Variants in TULP4 observed in about 807,000 individuals in gnomAD.
TULP4 encodes TUB like protein 4.
In TULP4, 16 loss-of-function variants were observed where a neutral mutation model predicts 129.0. That is an observed-to-expected ratio of 0.12 (90% confidence interval 0.08 to 0.19). The LOEUF (loss-of-function observed/expected upper bound fraction) is 0.19, where lower values mean the gene tolerates loss of function less well. Among genes scored for constraint, TULP4 ranks in the 10% least tolerant of loss-of-function variants. The pLI, the probability that TULP4 is intolerant of heterozygous loss-of-function variation, is 1.00. For missense variants in TULP4, 1,842 were observed against 2,059.1 expected, an observed-to-expected ratio of 0.89 and a Z score of 2.04; for synonymous variants, 998 against 854.0, an observed-to-expected ratio of 1.17 and a Z score of -2.94.
chr6:158,317,420 G>C (rs1054528162), intron 1 of TULP4, among the ~76,000 whole-genome samples: 16 of 148,596 alleles, frequency 1.1e-4, no homozygotes, highest in African/African-American at 3.7e-4. Flanking sequence ...TGCGGTGTTT[G>C]GTTTTCTGTC....
Position 158,298,008 on chromosome 6 carries a change from C to T in TULP4, n.117-14043C>T, listed in dbSNP as rs577792188. ...CTCCCCCTAGGAATGCAATTCTTTTCCTAGGGTCTTAATATGTAATATTCC... is the reference window on the plus strand; with the variant it reads ...CTCCCCCTAGGAATGCAATTCTTTTTCTAGGGTCTTAATATGTAATATTCC... On this transcript the variant is annotated intron_variant and non_coding_transcript_variant, in intron 1 of 1. Coordinates refer to the TULP4 transcript ENST00000432358. 2.1e-4 allele frequency among the ~76,000 whole-genome samples: 32 copies of T among 152,204 alleles called. No individual in the cohort carries two copies. The East Asian group carries it at 6.2e-3, about 29-fold the overall frequency.
At chr6:158,249,868 A>G (rs1201919800) in intron 1 of TULP4, among the ~76,000 whole-genome samples, 1 of 152,274 alleles carries the variant, frequency 6.6e-6, no homozygotes, top group Non-Finnish European at 1.5e-5. Flanking sequence ...TTTGTGATAC[A>G]GTATAAAAAG....
At chr6:158,349,961 C>G (rs1780464243) in intron 1 of TULP4, among the ~76,000 whole-genome samples, 1 of 147,950 alleles carries the variant, frequency 6.8e-6, no homozygotes, top group Admixed American at 6.7e-5. Context: ...GGCAGAGGCA[C>G]TCCTCACCTC....
intron 1 of TULP4, among the ~76,000 whole-genome samples, chr6:158,403,400 C>T (rs971407253): frequency 2.6e-5 from 4 of 152,134 alleles, no homozygotes; most frequent in East Asian, 1.9e-4. Context: ...AGTGCAATGG[C>T]GTGATCTTGG....
chr6:158,277,180 A>G (rs567249330), intron 1 of TULP4, among the ~76,000 whole-genome samples: 58 of 152,260 alleles, frequency 3.8e-4, no homozygotes, highest in African/African-American at 1.3e-3. Flanking sequence ...GGCTCAAGCA[A>G]TCTTCATGCC....
intron 1 of TULP4, among the ~76,000 whole-genome samples, chr6:158,249,790 C>T (rs1283156182): frequency 6.6e-6 from 1 of 152,202 alleles, no homozygotes; most frequent in African/African-American, 2.4e-5. Context: ...TAACAAGCTG[C>T]TCAATTACAT....
rs61292138 is a variant in TULP4 at position 158,506,222 on chromosome 6, CTTTTTTTT to C, written c.4516-335_4516-328del. Among the ~76,000 whole-genome samples, 111 of 55,494 alleles carry C rather than the reference CTTTTTTTT, an allele frequency of 2.0e-3. 2 individuals carry two copies. Among genetic ancestry groups the C allele is most frequent in the African/African-American group, 6.5e-3 (93 of 14,358 alleles). 36.4% of individuals were successfully genotyped at this position (55,494 alleles called of 152,430 possible). ...CGGCTGTCGCCTTGCTCGCCTTGTT[CTTTTTTTT>C]TTTTTTTTTTTTTTTTTTTTGAGAT... is the stretch of plus-strand genomic sequence containing the variant. On this transcript the variant is annotated intron_variant, in intron 13 of 13. Coordinates refer to ENST00000367097, the MANE Select transcript of TULP4 (RefSeq NM_020245.5).
At chr6:158,378,438 T>C (rs942187908) in intron 1 of TULP4, among the ~76,000 whole-genome samples, 1 of 144,600 alleles carries the variant, frequency 6.9e-6, no homozygotes, top group Admixed American at 7.6e-5. Context: ...TATATAAAAA[T>C]TGAGCAGTTA....
At chr6:158,246,056 GTGTGTGTA>G (rs1157361233) in intron 1 of TULP4, among the ~76,000 whole-genome samples, 2 of 140,190 alleles carry the variant, frequency 1.4e-5, no homozygotes, top group African/African-American at 2.6e-5. Context: ...GTGTGTGTGT[GTGTGTGTA>G]TTGTTCTCAA....
chr6:158,490,444 C>T (rs538985224), intron 9 of TULP4, among the ~76,000 whole-genome samples: 2 of 152,290 alleles, frequency 1.3e-5, no homozygotes, highest in South Asian at 4.2e-4. Context: ...AATTGGGAAA[C>T]ATCAACACAT....
intron 1 of TULP4, chr6:158,282,511 A>G (rs1297678970): frequency 6.6e-6 from 1 of 151,558 alleles, no homozygotes; most frequent in Non-Finnish European, 1.5e-5. Flanking sequence ...TTAAGGGGAC[A>G]TTTGGATCAT....
At chr6:158,256,224 G>C (rs192176493) in intron 1 of TULP4, among the ~76,000 whole-genome samples, 94 of 152,050 alleles carry the variant, frequency 6.2e-4, no homozygotes, top group African/African-American at 1.3e-3. Flanking sequence ...GAGCATCTTT[G>C]CTTGGAATCT....
At chr6:158,411,805 T>G (rs929834197) in intron 1 of TULP4, among the ~76,000 whole-genome samples, 4 of 152,154 alleles carry the variant, frequency 2.6e-5, no homozygotes, top group African/African-American at 9.7e-5. Flanking sequence ...GTTTATGTGT[T>G]GGTCTGAAAG....
chr6:158,367,921 T>C lies in TULP4; in HGVS notation c.253-45144T>C, dbSNP rs1268765164. ...GGTGAAACCCTGTCTCTACAAATAA[T>C]ACAAAAAAAAAAAAAAATCAAATCT... On this transcript the variant is annotated intron_variant, in intron 1 of 13. Coordinates refer to ENST00000367097, the MANE Select transcript of TULP4 (RefSeq NM_020245.5). Among the ~76,000 whole-genome samples the C allele has an allele frequency of 7.9e-5, 4 of 50,370 alleles. No homozygotes were observed. The East Asian group carries it at 4.7e-3, about 59-fold the overall frequency. 33.0% of individuals were successfully genotyped at this position (50,370 alleles called of 152,430 possible). A position where few individuals can be genotyped will look rare whatever the true frequency, so the allele number is the denominator to read the frequency against.
intron 6 of TULP4, among the ~76,000 whole-genome samples, chr6:158,470,531 G>A (rs948897346): frequency 1.3e-5 from 2 of 152,190 alleles, no homozygotes; most frequent in Admixed American, 6.5e-5. Flanking sequence ...AATTGGTTGG[G>A]TGTGAGCTAA....
intron 1 of TULP4, among the ~76,000 whole-genome samples, chr6:158,303,111 C>G (rs1332987001): frequency 6.7e-6 from 1 of 150,148 alleles, no homozygotes; most frequent in Admixed American, 6.7e-5. Flanking sequence ...TCAGAAATTA[C>G]ATTAATCCAA....
At chr6:158,302,031 G>A (rs1186636347) in intron 1 of TULP4, among the ~76,000 whole-genome samples, 3 of 152,126 alleles carry the variant, frequency 2.0e-5, no homozygotes, top group Admixed American at 6.5e-5. Flanking sequence ...TATCCTGAGC[G>A]ATGTGTAATC....
intron 6 of TULP4, among the ~76,000 whole-genome samples, chr6:158,477,833 A>G (rs1263173206): frequency 2.1e-4 from 32 of 152,352 alleles, no homozygotes; most frequent in Non-Finnish European, 1.5e-5. Flanking sequence ...ACTATTCACA[A>G]TAGCAAAGAT....
rs1008830567 is a variant in TULP4, at chr6:158,272,462, A to G, written n.69-39589A>G. 7.2e-5 allele frequency among the ~76,000 whole-genome samples: 11 copies of G among 152,280 alleles called. No homozygotes were observed. The East Asian group carries it at 1.3e-3, about 19-fold the overall frequency. ...GAGGATCTGGCAGTGAGTGCTGTGGAACCTCAGCATCCCAGGCCAGCCAAG... is the reference window on the plus strand; with the variant it reads ...GAGGATCTGGCAGTGAGTGCTGTGGGACCTCAGCATCCCAGGCCAGCCAAG... On this transcript the variant is annotated intron_variant and non_coding_transcript_variant, in intron 1 of 1. Coordinates refer to the TULP4 transcript ENST00000620026.
Sources: allele counts gnomAD v4.1 joint callset (sites outside exome capture counted in the v4.1 genomes callset), GRCh38; gene constraint gnomAD v4.1.1; transcripts MANE v1.5; gene names NCBI Gene and HGNC (gene_info 2026-07-23, HGNC 2026-07-21).